SOS2: variants seen among roughly 807,000 people sequenced by gnomAD.
The protein encoded by SOS2 is son of sevenless homolog 2.
A neutral mutation model predicts 148.2 loss-of-function variants in SOS2; 65 were observed. The observed-to-expected ratio is 0.44, with a 90% CI of 0.36 to 0.54. SOS2 has a LOEUF of 0.54. Among genes scored for constraint, SOS2 ranks in the 20% least tolerant of loss-of-function variants. The pLI is 0.00. For synonymous variants in SOS2, 539 were observed against 537.1 expected (o/e 1.00, Z -0.05); for missense variants, 1,341 against 1,590.2 (o/e 0.84, Z 2.67).
chr14:50,119,359 G>A lies in SOS2; in HGVS notation c.3490-506C>T, dbSNP rs74951565. Among the ~76,000 whole-genome samples, 397 of 152,234 alleles carry A rather than the reference G, an allele frequency of 2.6e-3. 17 individuals are homozygous for A. In the East Asian group the frequency reaches 0.064, roughly 25 times the overall value. The stretch of plus-strand genomic sequence containing the variant: ...CTAGACTACTGAATCAGAAACTCTG[G>A]AGGTGTGGCTCCACAGTCTGATTTT... On this transcript the variant is annotated intron_variant, in intron 22 of 22. Transcript: ENST00000216373.
At chr14:50,189,041 G>C in intron 4 of SOS2, among the ~76,000 whole-genome samples, 1 of 138,984 alleles carries the variant, frequency 7.2e-6, no homozygotes, top group Non-Finnish European at 1.5e-5. Flanking sequence ...CTCCAGCCTG[G>C]GCGACAGAGC....
chr14:50,219,432 C>T (rs543474311), intron 1 of SOS2, among the ~76,000 whole-genome samples: 1 of 151,976 alleles, frequency 6.6e-6, no homozygotes, highest in South Asian at 2.1e-4. Context: ...AGAGTATGTA[C>T]TGTATGATTC....
At chr14:50,209,670 G>A (rs1886800953) in intron 1 of SOS2, among the ~76,000 whole-genome samples, 1 of 151,328 alleles carries the variant, frequency 6.6e-6, no homozygotes, top group Non-Finnish European at 1.5e-5. Context: ...GATGTGGGAG[G>A]ATCACCTGAA....
intron 14 of SOS2, among the ~76,000 whole-genome samples, chr14:50,149,207 T>C (rs559312768): frequency 3.8e-4 from 58 of 152,314 alleles, no homozygotes; most frequent in African/African-American, 1.3e-3. Context: ...AGCACATTTA[T>C]ATTTTAAATT....
At chr14:50,154,025 C>T (rs914569000) in intron 12 of SOS2, among the ~76,000 whole-genome samples, 5 of 151,310 alleles carry the variant, frequency 3.3e-5, no homozygotes, top group African/African-American at 1.2e-4. Context: ...TTACCTATAA[C>T]CTTGCAAAGA....
In SOS2 at chr14:50,159,635, G is replaced by C. The variant is rs1344304906; in HGVS notation, c.1648C>G (p.Arg550Gly). The change falls in exon 10 of 23, where the codon CGA becomes GGA. Residue 550 changes from arginine (R) to glycine (G), a missense_variant. Physicochemically the swap from Arg to Gly is moderately radical, Grantham distance 125. Coordinates refer to ENST00000216373, the MANE Select transcript of SOS2 (RefSeq NM_006939.4). ...TTCAATAATACTGAATCTAACATTC[G>C]ATCTAGAGTACTACGATAATGAAGA... is the stretch of plus-strand genomic sequence containing the variant. ...ISLHYRSTLD[R>G]MLDSVLLKEE... The C allele has an allele frequency of 6.2e-7, 1 of 1,613,380 alleles. No homozygotes were observed.
chr14:50,133,710 T>G (rs1406788898), intron 19 of SOS2, among the ~76,000 whole-genome samples: 1 of 152,180 alleles, frequency 6.6e-6, no homozygotes, highest in Non-Finnish European at 1.5e-5. Context: ...AGCATCAAAT[T>G]CTAGTGACAG....
chr14:50,191,283 A>G (rs1490891604), intron 4 of SOS2, among the ~76,000 whole-genome samples: 1 of 152,018 alleles, frequency 6.6e-6, no homozygotes, highest in Non-Finnish European at 1.5e-5. Context: ...TGGGCAATAT[A>G]GCAAGATTCT....
intron 1 of SOS2, among the ~76,000 whole-genome samples, chr14:50,218,242 G>T (rs1887094975): frequency 7.9e-6 from 1 of 126,324 alleles, no homozygotes. Flanking sequence ...AAAAAAAAAG[G>T]CCGAGTGAGA....
chr14:50,226,874 T>C (rs1014727141), intron 1 of SOS2, among the ~76,000 whole-genome samples: 2 of 152,182 alleles, frequency 1.3e-5, no homozygotes, highest in Non-Finnish European at 2.9e-5. Flanking sequence ...AAATAACACA[T>C]GCATATAGTA....
At chr14:50,187,952 A>G (rs150831992) in intron 5 of SOS2, among the ~76,000 whole-genome samples, 2 of 152,336 alleles carry the variant, frequency 1.3e-5, no homozygotes, top group East Asian at 3.9e-4. Context: ...AAATATCAGA[A>G]CTGCATAACG....
chr14:50,202,755 A>C (rs917815098), intron 2 of SOS2, among the ~76,000 whole-genome samples: 1 of 151,900 alleles, frequency 6.6e-6, no homozygotes, highest in Non-Finnish European at 1.5e-5. Context: ...ACACAACAAA[A>C]CCCAAACAAT....
intron 4 of SOS2, 106 bp downstream of exon 4, chr14:50,199,585 C>A: frequency 1.6e-6 from 1 of 619,154 alleles, no homozygotes; most frequent in Middle Eastern, 3.8e-4. Flanking sequence ...TCTTCCAGTA[C>A]TAGCAATTAT....
chr14:50,198,800 T>C (rs149609871), intron 4 of SOS2, among the ~76,000 whole-genome samples: 207 of 152,344 alleles, frequency 1.4e-3, no homozygotes, highest in African/African-American at 4.7e-3. Context: ...TAATTATCTG[T>C]TTATAATATT....
At chr14:50,184,059 A>G (rs552495137) in intron 5 of SOS2, among the ~76,000 whole-genome samples, 1 of 152,360 alleles carries the variant, frequency 6.6e-6, no homozygotes, top group East Asian at 1.9e-4. Context: ...TTGTGTATCT[A>G]AACATATCTA....
At chr14:50,137,909 G>A (rs985863937) in intron 18 of SOS2, among the ~76,000 whole-genome samples, 11 of 152,134 alleles carry the variant, frequency 7.2e-5, no homozygotes, top group Middle Eastern at 3.4e-3. Flanking sequence ...GCATGATCTC[G>A]GCTCACTGCA....
intron 9 of SOS2, among the ~76,000 whole-genome samples, chr14:50,160,585 C>A (rs868730119): frequency 2.0e-5 from 3 of 151,854 alleles, no homozygotes; most frequent in African/African-American, 7.3e-5. Context: ...TGGGGTTTCA[C>A]CATGTTGGCC....
chr14:50,180,566 G>C lies in SOS2; in HGVS notation c.969+6C>G. ...AAAAAAAAAAAAACCTTCAATTTAAGTTTACCTGAAAGTGTAGAGCAACTG... is the reference window on the plus strand; with the variant it reads ...AAAAAAAAAAAAACCTTCAATTTAACTTTACCTGAAAGTGTAGAGCAACTG... On this transcript the variant is annotated splice_donor_region_variant and intron_variant, in intron 7 of 22. Coordinates refer to ENST00000216373, the MANE Select transcript of SOS2 (RefSeq NM_006939.4). The C allele has an allele frequency of 1.1e-6, 1 of 875,420 alleles. No individual in the cohort carries two copies. Among genetic ancestry groups the C allele is most frequent in the Non-Finnish European group, 1.7e-6 (1 of 578,508 alleles). 54.2% of individuals were successfully genotyped at this position (875,420 alleles called of 1,614,324 possible).
chr14:50,198,057 C>T lies in SOS2; in HGVS notation c.510+1634G>A, dbSNP rs146357381. Among the ~76,000 whole-genome samples, 31 of 147,496 alleles carry T rather than the reference C, an allele frequency of 2.1e-4. No individual in the cohort carries two copies. In the East Asian group the frequency reaches 4.4e-3, roughly 21 times the overall value. On this transcript the variant is annotated intron_variant, in intron 4 of 22. Transcript: ENST00000216373. ...ATGAGGAATTATTCCAGACTGAAGA[C>T]GATAAAAATACATGACACATAAACA...
Sources: gnomAD v4.1 joint callset for allele counts (sites outside exome capture counted in the v4.1 genomes callset) on GRCh38, gnomAD v4.1.1 for gene constraint, MANE v1.5 for transcripts, NCBI Gene and HGNC (gene_info 2026-07-23, HGNC 2026-07-21) for gene names.